The following CSTPP1 variants were observed in gnomAD, a reference collection of about 807,000 sequenced individuals.
CSTPP1 encodes UPF0705 protein C11orf49.
the CSTPP1 span, among the ~76,000 whole-genome samples, chr11:46,941,591 T>G: frequency 3.3e-5 from 5 of 152,084 alleles, no homozygotes; most frequent in African/African-American, 1.2e-4. Context: ...CCACCCACCT[T>G]AGCCTCCCAA....
chr11:47,146,289 C>T, the CSTPP1 span, among the ~76,000 whole-genome samples: 1 of 150,164 alleles, frequency 6.7e-6, no homozygotes, highest in South Asian at 2.1e-4. Flanking sequence ...CACTTGAACC[C>T]GGGAGGTGGA....
chr11:47,091,082 C>A, the CSTPP1 span, among the ~76,000 whole-genome samples: 1 of 132,590 alleles, frequency 7.5e-6, no homozygotes, highest in Non-Finnish European at 1.6e-5. Context: ...GAAATTGAGA[C>A]ATAGTGGTTA....
the CSTPP1 span, among the ~76,000 whole-genome samples, chr11:46,984,444 C>A: frequency 1.3e-5 from 2 of 152,114 alleles, no homozygotes; most frequent in African/African-American, 4.8e-5. Flanking sequence ...TGCAAGTACT[C>A]AAAAATGGTA....
the CSTPP1 span, chr11:47,155,485 C>T: frequency 1.0e-5 from 6 of 583,724 alleles, no homozygotes; most frequent in East Asian, 2.8e-5. Flanking sequence ...CACTGAACAC[C>T]GCAGTGTTTT....
the CSTPP1 span, among the ~76,000 whole-genome samples, chr11:47,008,632 T>C: frequency 6.6e-6 from 1 of 152,124 alleles, no homozygotes; most frequent in African/African-American, 2.4e-5. Context: ...TGAACCACTG[T>C]GCCTAGCCAA....
the CSTPP1 span, among the ~76,000 whole-genome samples, chr11:46,984,017 A>C: frequency 6.6e-6 from 1 of 152,212 alleles, no homozygotes; most frequent in South Asian, 2.1e-4. Context: ...CTAACTTCAC[A>C]CAAATGCTGA....
chr11:46,976,394 C>CAT, the CSTPP1 span, among the ~76,000 whole-genome samples: 1 of 140 alleles, frequency 7.1e-3, no homozygotes, highest in African/African-American at 0.015. Context: ...AGGTTTCAGT[C>CAT]ACACACACAC....
the CSTPP1 span, among the ~76,000 whole-genome samples, chr11:47,072,250 C>T: frequency 3.3e-5 from 5 of 152,190 alleles, no homozygotes; most frequent in African/African-American, 1.2e-4. Context: ...TTCTTTTCCC[C>T]TTGCCCTGAT....
At chr11:47,082,049 C>T in the CSTPP1 span, among the ~76,000 whole-genome samples, 1,721 of 146,312 alleles carry the variant, frequency 0.012, 15 homozygotes, top group Non-Finnish European at 0.02. Flanking sequence ...ACTCGAAAGG[C>T]TGAGGTGAGG....
chr11:47,071,632 C>T, the CSTPP1 span, among the ~76,000 whole-genome samples: 1 of 152,144 alleles, frequency 6.6e-6, no homozygotes, highest in Non-Finnish European at 1.5e-5. Flanking sequence ...TAATGAATGC[C>T]TGCTGGGTCG....
the CSTPP1 span, among the ~76,000 whole-genome samples, chr11:46,964,245 A>G: frequency 6.6e-6 from 1 of 151,754 alleles, no homozygotes; most frequent in African/African-American, 2.4e-5. Context: ...GCTATGCTGA[A>G]CAATGTACAG....
chr11:47,043,839 C>G, the CSTPP1 span, among the ~76,000 whole-genome samples: 2 of 152,030 alleles, frequency 1.3e-5, no homozygotes, highest in Non-Finnish European at 2.9e-5. Flanking sequence ...AATCCTGTCT[C>G]TAGATATAAA....
the CSTPP1 span, among the ~76,000 whole-genome samples, chr11:47,035,625 A>T: frequency 6.6e-6 from 1 of 152,202 alleles, no homozygotes; most frequent in Non-Finnish European, 1.5e-5. Flanking sequence ...ATTTCTCTCC[A>T]CTATGAATGG....
At chr11:46,969,095 A>T in the CSTPP1 span, among the ~76,000 whole-genome samples, 16 of 151,994 alleles carry the variant, frequency 1.1e-4, no homozygotes, top group Non-Finnish European at 2.2e-4. Flanking sequence ...AGATCTGAAC[A>T]TTTTTTTTAA....
the CSTPP1 span, among the ~76,000 whole-genome samples, chr11:47,020,585 G>A: frequency 6.6e-6 from 1 of 151,582 alleles, no homozygotes; most frequent in Non-Finnish European, 1.5e-5. Flanking sequence ...AATAGGCAAA[G>A]GGTGGTGGAG....
At chr11:47,116,400 A>G in the CSTPP1 span, among the ~76,000 whole-genome samples, 2 of 152,040 alleles carry the variant, frequency 1.3e-5, no homozygotes, top group African/African-American at 4.8e-5. Context: ...TGAACTGTCT[A>G]ATATTGACAG....
chr11:46,972,745 A>G, the CSTPP1 span, among the ~76,000 whole-genome samples: 1 of 152,224 alleles, frequency 6.6e-6, no homozygotes, highest in Non-Finnish European at 1.5e-5. Context: ...AAACCTGAAC[A>G]GAATGTTTCC....
the CSTPP1 span, among the ~76,000 whole-genome samples, chr11:47,084,992 C>T: frequency 1.3e-5 from 2 of 152,056 alleles, no homozygotes; most frequent in African/African-American, 4.8e-5. Flanking sequence ...TGAGACCAGC[C>T]TGACCAACAT....
At chr11:47,062,655 G>T in the CSTPP1 span, among the ~76,000 whole-genome samples, 1 of 152,128 alleles carries the variant, frequency 6.6e-6, no homozygotes, top group Non-Finnish European at 1.5e-5. Context: ...TTAAACACTG[G>T]TGAATAGTAC....
Sources: gnomAD v4.1 joint callset for allele counts (sites outside exome capture counted in the v4.1 genomes callset) on GRCh38, gnomAD v4.1.1 for gene constraint, MANE v1.5 for transcripts, NCBI Gene and HGNC (gene_info 2026-07-23, HGNC 2026-07-21) for gene names.